The following NELL1 variants were observed in gnomAD, a reference collection of about 807,000 sequenced individuals.
NELL1 encodes the protein neural EGFL like 1, also known as protein kinase C-binding protein NELL1.
Under a neutral mutation model 107.4 loss-of-function variants are expected in NELL1, and 76 were observed. The ratio of observed to expected loss-of-function variants is 0.71; its 90% CI spans 0.59 to 0.86. NELL1 has a LOEUF of 0.86. Ranked by LOEUF, NELL1 falls within the 40% of genes least tolerant of loss-of-function variation. The pLI, the probability that NELL1 is intolerant of heterozygous loss-of-function variation, is 0.00. For missense variants in NELL1, 1,024 were observed against 1,005.5 expected (o/e 1.02, Z -0.25); for synonymous variants, 353 against 341.2 (o/e 1.03, Z -0.38).
intron 2 of NELL1, among the ~76,000 whole-genome samples, chr11:20,733,720 A>G (rs143369060): frequency 2.1e-3 from 324 of 152,372 alleles, no homozygotes; most frequent in Admixed American, 3.4e-3. Context: ...GAAAACAAAC[A>G]CATGAACAAA....
At chr11:21,112,445 T>C (rs573989817) in intron 12 of NELL1, among the ~76,000 whole-genome samples, 5 of 152,050 alleles carry the variant, frequency 3.3e-5, no homozygotes, top group Non-Finnish European at 7.4e-5. Flanking sequence ...AAATACTGTA[T>C]TTGACTAATC....
intron 14 of NELL1, among the ~76,000 whole-genome samples, chr11:21,240,013 C>T (rs1858311670): frequency 6.6e-6 from 1 of 152,016 alleles, no homozygotes. Context: ...CAAACATGAA[C>T]CAATCTTCAT....
At chr11:21,018,340 T>G (rs988397255) in intron 12 of NELL1, among the ~76,000 whole-genome samples, 2 of 152,034 alleles carry the variant, frequency 1.3e-5, no homozygotes, top group African/African-American at 2.4e-5. Context: ...CCGTGGGAAT[T>G]AGAGGCCATG....
chr11:20,985,731 C>A (rs532514138), intron 12 of NELL1, among the ~76,000 whole-genome samples: 1 of 152,220 alleles, frequency 6.6e-6, no homozygotes, highest in East Asian at 1.9e-4. Context: ...GATAAACTGG[C>A]CAAAAGTCAA....
At chr11:21,526,656 C>T (rs1368071841) in intron 15 of NELL1, among the ~76,000 whole-genome samples, 3 of 152,196 alleles carry the variant, frequency 2.0e-5, no homozygotes, top group Non-Finnish European at 4.4e-5. Context: ...AACCTCAATT[C>T]TTGACTTCTG....
At chr11:21,565,234 T>C (rs988065248) in intron 17 of NELL1, among the ~76,000 whole-genome samples, 9 of 151,930 alleles carry the variant, frequency 5.9e-5, no homozygotes, top group Admixed American at 2.0e-4. Context: ...GAGGAACTTA[T>C]TGGTAGGTTT....
intron 12 of NELL1, among the ~76,000 whole-genome samples, chr11:21,106,863 G>T (rs1256384824): frequency 6.6e-6 from 1 of 152,062 alleles, no homozygotes; most frequent in Non-Finnish European, 1.5e-5. Context: ...AGAAGACTTT[G>T]ATTCTATTCC....
intron 16 of NELL1, among the ~76,000 whole-genome samples, chr11:21,542,046 C>CTT (rs1449537037): frequency 6.6e-6 from 1 of 152,038 alleles, no homozygotes; most frequent in Non-Finnish European, 1.5e-5. Flanking sequence ...GCATTCAGCA[C>CTT]TTAGGTTTTA....
At chr11:20,828,584 G>A (rs116734747) in intron 3 of NELL1, among the ~76,000 whole-genome samples, 253 of 152,200 alleles carry the variant, frequency 1.7e-3, no homozygotes, top group African/African-American at 5.9e-3. Flanking sequence ...AACTGTCTTG[G>A]GGTTCCTCTT....
intron 3 of NELL1, among the ~76,000 whole-genome samples, chr11:20,792,230 A>G (rs1204294913): frequency 6.6e-6 from 1 of 151,974 alleles, no homozygotes; most frequent in Non-Finnish European, 1.5e-5. Flanking sequence ...TTGACTTGTT[A>G]GGTATATAAT....
intron 13 of NELL1, among the ~76,000 whole-genome samples, chr11:21,193,156 C>T (rs1178658296): frequency 6.6e-6 from 1 of 151,716 alleles, no homozygotes. Flanking sequence ...ATGCGAAAAT[C>T]CAAAAATTTA....
intron 13 of NELL1, among the ~76,000 whole-genome samples, chr11:21,187,133 C>A (rs143144815): frequency 7.2e-5 from 11 of 151,742 alleles, no homozygotes; most frequent in African/African-American, 2.4e-4. Context: ...TCCATTTGCA[C>A]TAAAGAGATA....
chr11:21,254,508 G>A (rs947625408), intron 14 of NELL1, among the ~76,000 whole-genome samples: 1 of 152,098 alleles, frequency 6.6e-6, no homozygotes, highest in African/African-American at 2.4e-5. Context: ...ATGGAGAAAA[G>A]GGGATGGGTC....
intron 4 of NELL1, among the ~76,000 whole-genome samples, chr11:20,864,841 TCA>T (rs1849064472): frequency 1.3e-5 from 2 of 152,216 alleles, no homozygotes; most frequent in South Asian, 4.1e-4. Context: ...TGATACTGAC[TCA>T]GTTTGGCAAC....
chr11:21,028,681 T>C (rs1278870117), intron 12 of NELL1, among the ~76,000 whole-genome samples: 1 of 152,156 alleles, frequency 6.6e-6, no homozygotes, highest in Non-Finnish European at 1.5e-5. Context: ...CTTCTTTGAT[T>C]TATATTTGTC....
chr11:21,431,405 G>A (rs918790400), intron 15 of NELL1, among the ~76,000 whole-genome samples: 1 of 152,106 alleles, frequency 6.6e-6, no homozygotes, highest in African/African-American at 2.4e-5. Context: ...CACTAAGGTA[G>A]ATCTGTTAAT....
At chr11:20,940,000 G>A (rs567356335) in intron 10 of NELL1, among the ~76,000 whole-genome samples, 4 of 152,204 alleles carry the variant, frequency 2.6e-5, no homozygotes, top group Middle Eastern at 3.4e-3. Context: ...ACTTGGGTTC[G>A]CACATGCAAT....
At chr11:20,795,479 G>A (rs953497192) in intron 3 of NELL1, among the ~76,000 whole-genome samples, 1 of 152,144 alleles carries the variant, frequency 6.6e-6, no homozygotes, top group African/African-American at 2.4e-5. Flanking sequence ...CTATCTTAAT[G>A]ACATTGCAGA....
intron 7 of NELL1, among the ~76,000 whole-genome samples, chr11:20,922,185 C>T (rs1384904577): frequency 6.6e-6 from 1 of 152,052 alleles, no homozygotes; most frequent in Admixed American, 6.6e-5. Flanking sequence ...ACTCTGTCCC[C>T]CTATACCCTG....
Sources: allele counts gnomAD v4.1 joint callset (sites outside exome capture counted in the v4.1 genomes callset), GRCh38; gene constraint gnomAD v4.1.1; transcripts MANE v1.5; gene names NCBI Gene and HGNC (gene_info 2026-07-23, HGNC 2026-07-21).